CYTH1: variants seen among roughly 807,000 people sequenced by gnomAD.
The protein encoded by CYTH1 is cytohesin-1.
Under a neutral mutation model 61.8 loss-of-function variants are expected in CYTH1, and 18 were observed. The observed-to-expected ratio is 0.29, with a 90% confidence interval of 0.20 to 0.43. The LOEUF (loss-of-function observed/expected upper bound fraction) is 0.43. Among genes scored for constraint, CYTH1 ranks in the 20% least tolerant of loss-of-function variants. The pLI, the probability that CYTH1 is intolerant of heterozygous loss-of-function variation, is 1.00. For synonymous variants in CYTH1, 174 were observed against 184.3 expected, an observed-to-expected ratio of 0.94 and a Z score of 0.45; for missense variants, 336 against 510.5, an observed-to-expected ratio of 0.66 and a Z score of 3.29.
At chr17:78,756,613 C>CA (rs904641905) in intron 1 of CYTH1, among the ~76,000 whole-genome samples, 45 of 151,994 alleles carry the variant, frequency 3.0e-4, no homozygotes, top group Admixed American at 2.6e-3. Flanking sequence ...ATCTAAAAAA[C>CA]AAAAAAGAAT....
At chr17:78,763,583 TAATAATAAAGAACATTATAATA>T (rs1193593233) in intron 1 of CYTH1, among the ~76,000 whole-genome samples, 4 of 152,074 alleles carry the variant, frequency 2.6e-5, no homozygotes, top group African/African-American at 7.2e-5. Context: ...AATAATAAAC[TAATAATAAAGAACATTATAATA>T]AATAATAAAG....
At chr17:78,682,478 T>TA (rs1289933677) in intron 11 of CYTH1, among the ~76,000 whole-genome samples, 1 of 152,252 alleles carries the variant, frequency 6.6e-6, no homozygotes. Context: ...CACTCTCCAT[T>TA]CCAGAGCACT....
intron 1 of CYTH1, among the ~76,000 whole-genome samples, chr17:78,755,353 C>T (rs751894584): frequency 9.2e-5 from 14 of 152,014 alleles, no homozygotes; most frequent in Non-Finnish European, 1.6e-4. Flanking sequence ...AGGCTGGTCT[C>T]GAACTCCTGA....
chr17:78,722,213 A>T (rs1367298267), intron 1 of CYTH1, among the ~76,000 whole-genome samples: 1 of 152,218 alleles, frequency 6.6e-6, no homozygotes, highest in African/African-American at 2.4e-5. Context: ...AAAAGCTAAA[A>T]ACTAGAAAAC....
intron 1 of CYTH1, among the ~76,000 whole-genome samples, chr17:78,758,475 C>A (rs906176652): frequency 2.0e-5 from 3 of 152,116 alleles, no homozygotes; most frequent in Admixed American, 2.0e-4. Context: ...GAGGCCGAGG[C>A]AGGCAGATCA....
intron 1 of CYTH1, among the ~76,000 whole-genome samples, chr17:78,728,292 T>C (rs557056941): frequency 3.5e-4 from 53 of 152,230 alleles, no homozygotes; most frequent in Non-Finnish European, 6.8e-4. Flanking sequence ...ACTCCTGTAA[T>C]TCCAGCACTT....
chr17:78,688,479 A>G (rs2092840148), intron 11 of CYTH1, among the ~76,000 whole-genome samples: 1 of 152,144 alleles, frequency 6.6e-6, no homozygotes, highest in Non-Finnish European at 1.5e-5. Context: ...CAATCTGCCT[A>G]GTTACGGTGC....
At chr17:78,742,945 C>T (rs930802381) in intron 1 of CYTH1, among the ~76,000 whole-genome samples, 5 of 152,114 alleles carry the variant, frequency 3.3e-5, no homozygotes, top group African/African-American at 1.2e-4. Context: ...AAACACACGC[C>T]AACTAGACAG....
At chr17:78,711,314 T>TATATAC (rs1555608846) in intron 1 of CYTH1, among the ~76,000 whole-genome samples, 1 of 142,442 alleles carries the variant, frequency 7.0e-6, no homozygotes, top group African/African-American at 2.7e-5. Context: ...TATATATATA[T>TATATAC]ACACACACAC....
rs370797014 is a variant in CYTH1, at chr17:78,703,554, C to T, written c.171-950G>A. Reference sequence around the variant, plus strand: ...TCCAGTTTTAGAACATTTTCATCTCCCCTACAGAATTCCTCACACCTTTTT... The same window carrying T: ...TCCAGTTTTAGAACATTTTCATCTCTCCTACAGAATTCCTCACACCTTTTT... On this transcript the variant is annotated intron_variant, in intron 3 of 13. Coordinates refer to ENST00000446868, the MANE Select transcript of CYTH1 (RefSeq NM_004762.6). 7.2e-5 allele frequency among the ~76,000 whole-genome samples: 11 copies of T among 152,172 alleles called. 4 individuals carry two copies. Among genetic ancestry groups the T allele is most frequent in the East Asian group, 1.9e-4 (1 of 5,186 alleles).
intron 1 of CYTH1, among the ~76,000 whole-genome samples, chr17:78,766,331 G>A (rs1190362291): frequency 6.6e-6 from 1 of 152,164 alleles, no homozygotes; most frequent in African/African-American, 2.4e-5. Context: ...TGAGAGACAA[G>A]CTCAGTAAGA....
chr17:78,710,739 C>T (rs757639684), intron 1 of CYTH1, among the ~76,000 whole-genome samples: 1 of 152,166 alleles, frequency 6.6e-6, no homozygotes, highest in Non-Finnish European at 1.5e-5. Context: ...GTGCCTCAAA[C>T]CCTGCCTGGT....
chr17:78,711,217 C>T (rs1255970789), intron 1 of CYTH1, among the ~76,000 whole-genome samples: 1 of 151,050 alleles, frequency 6.6e-6, no homozygotes, highest in Non-Finnish European at 1.5e-5. Flanking sequence ...AGCCGAGATC[C>T]CGCCATTGCC....
At chr17:78,701,816 A>T (rs1210408478) in intron 5 of CYTH1, 65 bp from the exon 6 acceptor site, 12 of 1,531,488 alleles carry the variant, frequency 7.8e-6, no homozygotes, top group Non-Finnish European at 9.9e-6. Context: ...GAGAATCTCC[A>T]GCCAGGCCAT....
intron 1 of CYTH1, among the ~76,000 whole-genome samples, chr17:78,739,526 T>C (rs1212373831): frequency 2.0e-5 from 3 of 148,118 alleles, no homozygotes; most frequent in African/African-American, 7.5e-5. Context: ...TAGGGAGGAG[T>C]GGAAGATATG....
At chr17:78,690,832 G>A (rs1262362759) in intron 11 of CYTH1, among the ~76,000 whole-genome samples, 3 of 152,196 alleles carry the variant, frequency 2.0e-5, no homozygotes. Context: ...CAAGATTCTA[G>A]AATCTCGTAG....
intron 11 of CYTH1, chr17:78,692,061 T>C: frequency 5.2e-6 from 1 of 190,576 alleles, no homozygotes; most frequent in Non-Finnish European, 1.1e-5. Flanking sequence ...TTTCTTTTCA[T>C]CTCCCTTTCA....
chr17:78,765,120 C>T (rs2093443355), intron 1 of CYTH1, among the ~76,000 whole-genome samples: 1 of 152,152 alleles, frequency 6.6e-6, no homozygotes, highest in East Asian at 1.9e-4. Flanking sequence ...CTGGTGTGTA[C>T]CAAGCACCGC....
chr17:78,776,516 GA>G (rs770190743), intron 1 of CYTH1, among the ~76,000 whole-genome samples: 1 of 151,696 alleles, frequency 6.6e-6, no homozygotes, highest in Non-Finnish European at 1.5e-5. Context: ...ACAATTAGCT[GA>G]GCGTGGTAGC....
Sources: gnomAD v4.1 joint callset for allele counts (sites outside exome capture counted in the v4.1 genomes callset) on GRCh38, gnomAD v4.1.1 for gene constraint, MANE v1.5 for transcripts, NCBI Gene and HGNC (gene_info 2026-07-23, HGNC 2026-07-21) for gene names.